CNTNAP2: variants seen among roughly 807,000 people sequenced by gnomAD.
CNTNAP2 encodes the protein contactin-associated protein-like 2.
Under a neutral mutation model 155.2 loss-of-function variants are expected in CNTNAP2, and 98 were observed. The ratio of observed to expected loss-of-function variants is 0.63; its 90% CI spans 0.54 to 0.75. CNTNAP2 has a LOEUF of 0.75. Among genes scored for constraint, CNTNAP2 ranks in the 30% least tolerant of loss-of-function variants. The probability of loss-of-function intolerance (pLI) is 0.00; values close to 1 mark genes in which losing one functional copy is unlikely to be tolerated. For missense variants in CNTNAP2, 1,727 were observed against 1,688.1 expected, an observed-to-expected ratio of 1.02 and a Z score of -0.40; for synonymous variants, 651 against 631.2, an observed-to-expected ratio of 1.03 and a Z score of -0.47.
At chr7:147,751,085 A>T (rs1797129190) in intron 13 of CNTNAP2, among the ~76,000 whole-genome samples, 2 of 151,202 alleles carry the variant, frequency 1.3e-5, no homozygotes, top group Admixed American at 1.3e-4. Context: ...ATAAATTAAA[A>T]AAAATTTCCA....
intron 18 of CNTNAP2, among the ~76,000 whole-genome samples, chr7:148,180,772 C>A (rs1795024190): frequency 6.6e-6 from 1 of 152,154 alleles, no homozygotes. Flanking sequence ...TATTCAGAAG[C>A]CAGCATGGTG....
intron 17 of CNTNAP2, among the ~76,000 whole-genome samples, chr7:148,150,063 A>G (rs142297134): frequency 1.1e-3 from 171 of 148,876 alleles, no homozygotes; most frequent in African/African-American, 3.8e-3. Flanking sequence ...ATTGTTCGGC[A>G]ATAGAAGTCT....
chr7:146,502,752 G>C lies in CNTNAP2; in HGVS notation c.98-271519G>C, dbSNP rs151307758. 6.6e-5 allele frequency among the ~76,000 whole-genome samples: 10 copies of C among 152,126 alleles called. No homozygotes were observed. In the East Asian group the frequency reaches 1.9e-3, roughly 29 times the overall value. ...TCAGCCTCCCAAATAGCTGAGGCAT[G>C]CTGCAAGCGTGCACCAACATGCTGG... On this transcript the variant is annotated intron_variant, in intron 1 of 23. Coordinates refer to ENST00000361727, the MANE Select transcript of CNTNAP2 (RefSeq NM_014141.6).
chr7:147,411,635 T>C (rs1797104197), intron 10 of CNTNAP2, among the ~76,000 whole-genome samples: 1 of 152,218 alleles, frequency 6.6e-6, no homozygotes, highest in African/African-American at 2.4e-5. Flanking sequence ...AGAAATTTCA[T>C]CTGATTTTCA....
chr7:148,390,030 A>G (rs1799312055), intron 22 of CNTNAP2, among the ~76,000 whole-genome samples: 1 of 152,198 alleles, frequency 6.6e-6, no homozygotes, highest in Non-Finnish European at 1.5e-5. Flanking sequence ...ACCAAATGAA[A>G]GAAGGGTCCC....
intron 10 of CNTNAP2, among the ~76,000 whole-genome samples, chr7:147,452,435 T>C (rs1187188651): frequency 6.6e-6 from 1 of 152,192 alleles, no homozygotes; most frequent in African/African-American, 2.4e-5. Context: ...TCATATAATG[T>C]ACATTGTTAG....
intron 3 of CNTNAP2, among the ~76,000 whole-genome samples, chr7:146,995,543 T>C (rs1419951844): frequency 6.6e-6 from 1 of 152,144 alleles, no homozygotes. Flanking sequence ...AGGAGTGACA[T>C]AATATCTCAT....
At chr7:147,646,405 A>G (rs898209504) in intron 13 of CNTNAP2, among the ~76,000 whole-genome samples, 3 of 152,222 alleles carry the variant, frequency 2.0e-5, no homozygotes, top group Admixed American at 1.3e-4. Context: ...CTTTTAACTG[A>G]CATCAAAAGA....
chr7:146,929,487 G>GA (rs1796695692), intron 3 of CNTNAP2, among the ~76,000 whole-genome samples: 1 of 152,112 alleles, frequency 6.6e-6, no homozygotes, highest in African/African-American at 2.4e-5. Flanking sequence ...CAAAGATGGG[G>GA]AAAAAACAGA....
intron 1 of CNTNAP2, among the ~76,000 whole-genome samples, chr7:146,707,322 C>G (rs1800983633): frequency 6.6e-6 from 1 of 152,158 alleles, no homozygotes; most frequent in Non-Finnish European, 1.5e-5. Context: ...TTGTGATGGG[C>G]ATGGGGCCTC....
At chr7:146,199,876 G>A (rs1798831969) in intron 1 of CNTNAP2, among the ~76,000 whole-genome samples, 2 of 152,040 alleles carry the variant, frequency 1.3e-5, no homozygotes, top group African/African-American at 4.8e-5. Context: ...TAATATTTCT[G>A]TTTCTATGCT....
chr7:148,058,195 C>T (rs1244161582), intron 15 of CNTNAP2, among the ~76,000 whole-genome samples: 4 of 152,188 alleles, frequency 2.6e-5, no homozygotes, highest in African/African-American at 9.6e-5. Flanking sequence ...TTGTGCAGGT[C>T]AGGTGAAGCT....
In CNTNAP2 at chr7:146,407,428, T is replaced by G. The variant is rs894451636; in HGVS notation, c.97+290455T>G. 1.1e-4 allele frequency among the ~76,000 whole-genome samples: 17 copies of G among 152,300 alleles called. 1 individual carries two copies. The highest frequency in any genetic ancestry group is 1.5e-4 in the Non-Finnish European group (10 of 68,020). On this transcript the variant is annotated intron_variant, in intron 1 of 23. Coordinates refer to ENST00000361727, the MANE Select transcript of CNTNAP2 (RefSeq NM_014141.6). Reference sequence around the variant, plus strand: ...TCATGAAATGTACGATTTTACCAACTCAAAATATAAATATCTTAAGACTGG... The same window carrying G: ...TCATGAAATGTACGATTTTACCAACGCAAAATATAAATATCTTAAGACTGG...
chr7:147,734,556 T>C (rs1400627147), intron 13 of CNTNAP2, among the ~76,000 whole-genome samples: 5 of 152,214 alleles, frequency 3.3e-5, no homozygotes, highest in African/African-American at 1.2e-4. Flanking sequence ...GGATTCCCTC[T>C]TTTTCTATTG....
intron 1 of CNTNAP2, among the ~76,000 whole-genome samples, chr7:146,214,334 T>G (rs189702930): frequency 3.3e-5 from 5 of 152,290 alleles, no homozygotes; most frequent in Admixed American, 3.3e-4. Flanking sequence ...TTCTATACAG[T>G]TCAGGAGTCA....
At chr7:148,118,006 AAAT>A in intron 15 of CNTNAP2, 109 bp from the exon 16 acceptor site, 5 of 1,215,116 alleles carry the variant, frequency 4.1e-6, no homozygotes, top group South Asian at 3.7e-5. Context: ...GAATGAGAGA[AAAT>A]AATGACTATT....
chr7:147,261,967 A>G (rs1298636832), intron 8 of CNTNAP2, among the ~76,000 whole-genome samples: 1 of 152,216 alleles, frequency 6.6e-6, no homozygotes, highest in Admixed American at 6.5e-5. Context: ...AACACTTATT[A>G]TAACCATGTA....
In CNTNAP2 at chr7:147,097,073, A is replaced by G. The variant is rs75592784; in HGVS notation, c.551-11074A>G. Among the ~76,000 whole-genome samples, 1,223 of 152,332 alleles carry G rather than the reference A, an allele frequency of 8.0e-3. 65 individuals carry two copies. In the East Asian group the frequency reaches 0.14, roughly 17 times the overall value. On this transcript the variant is annotated intron_variant, in intron 4 of 23. Transcript: ENST00000361727. ...ATATTGCACCATATGCATAACCTCA[A>G]AAGATACTGCACACATATGTCCCAA... is the stretch of plus-strand genomic sequence containing the variant.
chr7:146,200,548 A>G (rs1268054351), intron 1 of CNTNAP2, among the ~76,000 whole-genome samples: 1 of 151,664 alleles, frequency 6.6e-6, no homozygotes, highest in Non-Finnish European at 1.5e-5. Context: ...ACACATATAT[A>G]TACTGTGTTT....
Sources: gnomAD v4.1 joint callset for allele counts (sites outside exome capture counted in the v4.1 genomes callset) on GRCh38, gnomAD v4.1.1 for gene constraint, MANE v1.5 for transcripts, NCBI Gene and HGNC (gene_info 2026-07-23, HGNC 2026-07-21) for gene names.